RAB40B: variants seen among roughly 807,000 people sequenced by gnomAD.
The protein encoded by RAB40B is RAB40B, member RAS oncogene family, also known as ras-related protein Rab-40B.
A neutral mutation model predicts 24.0 loss-of-function variants in RAB40B; 21 were observed. That is an observed-to-expected ratio of 0.88 (90% CI 0.62 to 1.26). The LOEUF is 1.26. RAB40B is among the 50% of genes most tolerant of loss of function. RAB40B has a pLI of 0.00. For missense variants in RAB40B, 348 were observed against 390.5 expected (o/e 0.89, Z 0.92); for synonymous variants, 167 against 169.8 (o/e 0.98, Z 0.13).
chr17:82,673,700 G>A (rs187328331), intron 1 of RAB40B, among the ~76,000 whole-genome samples: 85 of 152,268 alleles, frequency 5.6e-4, no homozygotes, highest in African/African-American at 1.9e-3. Context: ...TCCTCCTGGT[G>A]GGCATGGAGG....
chr17:82,687,491 G>A (rs1003551277), intron 1 of RAB40B, among the ~76,000 whole-genome samples: 1 of 152,124 alleles, frequency 6.6e-6, no homozygotes, highest in Non-Finnish European at 1.5e-5. Flanking sequence ...TCACATTAGG[G>A]GGAGGGTAAT....
chr17:82,676,752 C>G (rs2046398649), intron 1 of RAB40B, among the ~76,000 whole-genome samples: 1 of 152,012 alleles, frequency 6.6e-6, no homozygotes, highest in Non-Finnish European at 1.5e-5. Flanking sequence ...CTCAGCCTCT[C>G]CAGCAGTTGG....
chr17:82,658,341 A>G, intron 5 of RAB40B, 150 bp downstream of exon 5: 1 of 1,079,714 alleles, frequency 9.3e-7, no homozygotes, highest in East Asian at 2.5e-5. Flanking sequence ...ACAAAGCTGT[A>G]GTCATTACTT....
In RAB40B at chr17:82,698,589, G is replaced by A; in HGVS notation, c.8C>T (p.Ala3Val). Residue 3 changes from alanine (A) to valine (V), a missense_variant, in exon 1 of 6, where the codon GCC (alanine) becomes GTC (valine). Ala to Val is a moderately conservative substitution (Grantham distance 64, BLOSUM62 0). Coordinates refer to ENST00000571995, the MANE Select transcript of RAB40B (RefSeq NM_006822.3). ...GTAGGCCCGGACCGGGCTGCCCAGGGCGCTCATCGTGACGGCCCGGCGCCC... is the reference window on the plus strand; with the variant it reads ...GTAGGCCCGGACCGGGCTGCCCAGGACGCTCATCGTGACGGCCCGGCGCCC... The part of the protein sequence containing the change: MS[A>V]LGSPVRAYDF... 2.0e-6 allele frequency: 3 copies of A among 1,466,752 alleles called. No homozygotes were observed. Among genetic ancestry groups the A allele is most frequent in the Non-Finnish European group, 1.8e-6 (2 of 1,096,010 alleles). The allele number at this position is 1,466,752 out of a possible 1,614,324, so 90.9% of individuals were successfully genotyped here.
intron 1 of RAB40B, among the ~76,000 whole-genome samples, chr17:82,679,640 C>G (rs1336085760): frequency 6.8e-6 from 1 of 146,956 alleles, no homozygotes; most frequent in African/African-American, 2.5e-5. Flanking sequence ...AAAGGTGAGG[C>G]CTGGGACCAG....
chr17:82,664,834 C>G, intron 1 of RAB40B: 3 of 358,362 alleles, frequency 8.4e-6, no homozygotes, highest in Non-Finnish European at 1.5e-5. Flanking sequence ...ACTGCAGGGC[C>G]TACATGTGAC....
Position 82,657,418 on chromosome 17 carries a change from T to C in RAB40B, c.*445A>G, listed in dbSNP as rs1472859077. 3.1e-6 allele frequency: 1 copy of C among 319,180 alleles called. No individual in the cohort carries two copies. The highest frequency in any genetic ancestry group is 8.7e-5 in the East Asian group (1 of 11,436). 19.8% of individuals were successfully genotyped at this position (319,180 alleles called of 1,614,324 possible). ...CTGCAGCGTTTTATAAATTGGCGCT[T>C]TGACATTGAAAAGGAGGTTTACAAA... On this transcript the variant is annotated 3_prime_UTR_variant, in exon 6 of 6. Transcript: ENST00000571995.
chr17:82,669,045 G>T (rs2046299289), intron 1 of RAB40B, among the ~76,000 whole-genome samples: 1 of 152,218 alleles, frequency 6.6e-6, no homozygotes, highest in South Asian at 2.1e-4. Flanking sequence ...TCCTTTTACA[G>T]AAAGGAAAAT....
intron 1 of RAB40B, among the ~76,000 whole-genome samples, chr17:82,682,783 G>A (rs1002272102): frequency 6.6e-6 from 1 of 152,184 alleles, no homozygotes; most frequent in Admixed American, 6.5e-5. Context: ...TTCAACAAAT[G>A]CTGCTGGAAC....
At position 82,664,520 on chromosome 17, in the gene RAB40B, C is replaced by T. The variant is rs566512228; in HGVS notation, c.179G>A (p.Gly60Glu). 3.1e-6 allele frequency: 5 copies of T among 1,613,596 alleles called. No individual in the cohort carries two copies. In the Admixed American group the frequency reaches 8.3e-5, roughly 27 times the overall value. Residue 60 changes from glycine (G) to glutamate (E), a missense_variant, in exon 2 of 6, where the codon GGG becomes GAG. By Grantham distance (98) the Gly-to-Glu change is moderately conservative. Coordinates refer to ENST00000571995, the MANE Select transcript of RAB40B (RefSeq NM_006822.3). ...DYKTTTILLD[G>E]RRVKLQLWDT... is the part of the protein sequence containing the mutation. ...CCAGAGCTGCAGCTTCACCCGCCGC[C>T]CGTCCAGCAGGATGGTGGTCGTCTT...
intron 1 of RAB40B, 65 bp from the exon 2 acceptor site, chr17:82,664,621 G>A: frequency 6.8e-6 from 10 of 1,478,072 alleles, no homozygotes; most frequent in East Asian, 4.6e-5. Context: ...GAAGTCTCAC[G>A]TTCAGGGAAG....
At position 82,657,545 on chromosome 17, in the gene RAB40B, C is replaced by A. The variant is rs2046097827; in HGVS notation, c.*318G>T. The A allele has an allele frequency of 2.3e-6, 1 of 436,192 alleles. No individual in the cohort carries two copies. 27.0% of individuals were successfully genotyped at this position (436,192 alleles called of 1,614,324 possible). On this transcript the variant is annotated 3_prime_UTR_variant, in exon 6 of 6. Coordinates refer to ENST00000571995, the MANE Select transcript of RAB40B (RefSeq NM_006822.3). ...AATCACTCCAATATCACCGTTCTTA[C>A]AAAAGCAGTTATTTTAAGGAAAAAG...
intron 2 of RAB40B, 36 bp downstream of exon 2, chr17:82,664,460 G>C: frequency 6.2e-7 from 1 of 1,606,152 alleles, no homozygotes; most frequent in Non-Finnish European, 8.5e-7. Context: ...GTTACTCCCT[G>C]GGGGTGCGGG....
chr17:82,691,035 C>A (rs2046552853), intron 1 of RAB40B, among the ~76,000 whole-genome samples: 1 of 152,198 alleles, frequency 6.6e-6, no homozygotes, highest in African/African-American at 2.4e-5. Flanking sequence ...GTGGAGCCTT[C>A]TCCCAACATT....
chr17:82,656,305 A>G lies in RAB40B; in HGVS notation c.*1558T>C, dbSNP rs970128466. 2.0e-5 allele frequency: 3 copies of G among 151,978 alleles called. No homozygotes were observed. Among genetic ancestry groups the G allele is most frequent in the African/African-American group, 7.3e-5 (3 of 41,360 alleles). The allele number at this position is 151,978 out of a possible 1,614,324, so 9.4% of individuals were successfully genotyped here. ...CAGCAGGAACTAGGAACATCTGGGT[A>G]TTTTCTCGCTTCGTTTTTTTGGTTT... On this transcript the variant is annotated 3_prime_UTR_variant, in exon 6 of 6. Coordinates refer to ENST00000571995, the MANE Select transcript of RAB40B (RefSeq NM_006822.3).
chr17:82,656,509 G>A lies in RAB40B; in HGVS notation c.*1354C>T, dbSNP rs1049620975. ...GCTCCTCACCGAGGCTCAGGAGCAC[G>A]GCTCTGATTTCTCAGACAGGCACAT... On this transcript the variant is annotated 3_prime_UTR_variant, in exon 6 of 6. Coordinates refer to ENST00000571995, the MANE Select transcript of RAB40B (RefSeq NM_006822.3). 1.3e-5 allele frequency: 2 copies of A among 152,022 alleles called. No individual in the cohort carries two copies. Among genetic ancestry groups the A allele is most frequent in the African/African-American group, 4.8e-5 (2 of 41,422 alleles). 9.4% of individuals were successfully genotyped at this position (152,022 alleles called of 1,614,324 possible).
At position 82,657,804 on chromosome 17, in the gene RAB40B, C is replaced by CG. The variant is rs1456220492; in HGVS notation, c.*58dup. 3 of 1,585,614 alleles carry CG rather than the reference C, an allele frequency of 1.9e-6. No individual in the cohort carries two copies. The highest frequency in any genetic ancestry group is 2.6e-6 in the Non-Finnish European group (3 of 1,157,314). On this transcript the variant is annotated 3_prime_UTR_variant, in exon 6 of 6. Transcript: ENST00000571995. ...GATCTGAGATGCATCCACCAGCTGC[C>CG]GGGGGTAACGCCGAGCTTCTCCTGG...
intron 1 of RAB40B, among the ~76,000 whole-genome samples, chr17:82,684,013 G>T (rs2046471231): frequency 6.6e-6 from 1 of 151,976 alleles, no homozygotes; most frequent in East Asian, 1.9e-4. Flanking sequence ...CTGAAGTCAG[G>T]AGTTCGAGAC....
At chr17:82,668,765 G>A (rs754610666) in intron 1 of RAB40B, among the ~76,000 whole-genome samples, 15 of 152,234 alleles carry the variant, frequency 9.9e-5, no homozygotes, top group Middle Eastern at 3.2e-3. Context: ...AGACGCCCGC[G>A]TCTAGAGCTG....
Sources: gnomAD v4.1 joint callset for allele counts (sites outside exome capture counted in the v4.1 genomes callset) on GRCh38, gnomAD v4.1.1 for gene constraint, MANE v1.5 for transcripts, NCBI Gene and HGNC (gene_info 2026-07-23, HGNC 2026-07-21) for gene names.